The following FSTL4 variants were observed in gnomAD, a reference collection of about 807,000 sequenced individuals.
The protein encoded by FSTL4 is follistatin-related protein 4.
FSTL4 carries 28 observed loss-of-function variants against 78.2 expected under a neutral mutation model. The observed-to-expected ratio is 0.36, with a 90% CI of 0.27 to 0.49. The LOEUF is 0.49. Among genes scored for constraint, FSTL4 ranks in the 20% least tolerant of loss-of-function variants. The pLI, the probability that FSTL4 is intolerant of heterozygous loss-of-function variation, is 0.98. For missense variants in FSTL4, 922 were observed against 1,084.9 expected (o/e 0.85, Z 2.11); for synonymous variants, 422 against 440.5 (o/e 0.96, Z 0.53).
chr5:133,217,652 C>A (rs1750958151), intron 12 of FSTL4, among the ~76,000 whole-genome samples: 1 of 152,186 alleles, frequency 6.6e-6, no homozygotes, highest in African/African-American at 2.4e-5. Flanking sequence ...TCCCTCTCCT[C>A]ATCTTCATTT....
At chr5:133,817,589 A>G in the FSTL4 span, among the ~76,000 whole-genome samples, 1 of 152,216 alleles carries the variant, frequency 6.6e-6, no homozygotes, top group Non-Finnish European at 1.5e-5. Flanking sequence ...AGGAAGGGCC[A>G]CAGCTGCCCC....
chr5:133,651,643 A>AT, the FSTL4 span, among the ~76,000 whole-genome samples: 16,004 of 149,000 alleles, frequency 0.11, 898 homozygotes, highest in South Asian at 0.18. Flanking sequence ...TGATTTGCTT[A>AT]TTTTTTTTTT....
At chr5:133,347,864 C>T (rs1754730278) in intron 4 of FSTL4, among the ~76,000 whole-genome samples, 1 of 152,182 alleles carries the variant, frequency 6.6e-6, no homozygotes, top group Admixed American at 6.5e-5. Context: ...CTAGTTTCCA[C>T]TTTAGAGATG....
the FSTL4 span, among the ~76,000 whole-genome samples, chr5:133,711,001 C>T: frequency 6.6e-6 from 1 of 152,190 alleles, no homozygotes; most frequent in African/African-American, 2.4e-5. Flanking sequence ...TAGTTGCACT[C>T]TGCGCTCACA....
chr5:133,716,856 A>G, the FSTL4 span, among the ~76,000 whole-genome samples: 13 of 152,396 alleles, frequency 8.5e-5, no homozygotes, highest in East Asian at 2.1e-3. Flanking sequence ...TAGAAAAGGG[A>G]AACTTTAGAC....
At chr5:133,410,977 G>A (rs1756466916) in intron 3 of FSTL4, among the ~76,000 whole-genome samples, 2 of 152,176 alleles carry the variant, frequency 1.3e-5, no homozygotes, top group Non-Finnish European at 2.9e-5. Context: ...CTGACAGGTG[G>A]GCCTGAGGGT....
At chr5:133,509,619 G>A (rs910114017) in intron 3 of FSTL4, among the ~76,000 whole-genome samples, 8 of 152,232 alleles carry the variant, frequency 5.3e-5, no homozygotes, top group African/African-American at 1.9e-4. Context: ...GGCTGTTGGA[G>A]CTTTCACTTG....
chr5:133,500,183 A>G (rs1456351820), intron 3 of FSTL4, among the ~76,000 whole-genome samples: 1 of 152,112 alleles, frequency 6.6e-6, no homozygotes, highest in Non-Finnish European at 1.5e-5. Context: ...TCTTCCCTGA[A>G]GTCTTTACAC....
chr5:133,564,591 A>T lies in FSTL4; in HGVS notation c.160+2595T>A, dbSNP rs549007614. Among the ~76,000 whole-genome samples the T allele has an allele frequency of 2.0e-5, 3 of 152,274 alleles. No individual in the cohort carries two copies. The South Asian group carries it at 6.2e-4, about 32-fold the overall frequency. ...AGGCAGGAGGGTCTCTGATCTCAGG[A>T]AATTAACCTGATAGGAGCCCTTCCC... is the stretch of plus-strand genomic sequence containing the variant. On this transcript the variant is annotated intron_variant, in intron 3 of 15. Coordinates refer to ENST00000265342, the MANE Select transcript of FSTL4 (RefSeq NM_015082.2).
the FSTL4 span, among the ~76,000 whole-genome samples, chr5:133,695,852 C>T: frequency 2.0e-5 from 3 of 152,180 alleles, no homozygotes; most frequent in African/African-American, 7.2e-5. Context: ...TGAGTGACCT[C>T]CATGGAGGCC....
intron 6 of FSTL4, among the ~76,000 whole-genome samples, chr5:133,284,896 C>T (rs72803120): frequency 2.1e-4 from 32 of 152,286 alleles, no homozygotes; most frequent in Non-Finnish European, 3.5e-4. Context: ...CGGGAAGAGA[C>T]AGGCTGAGTA....
At chr5:133,686,484 C>A in the FSTL4 span, among the ~76,000 whole-genome samples, 2 of 152,224 alleles carry the variant, frequency 1.3e-5, no homozygotes, top group African/African-American at 2.4e-5. Context: ...TTGGATAGTT[C>A]ATTTTATTCA....
chr5:133,831,484 C>T, the FSTL4 span, among the ~76,000 whole-genome samples: 2 of 152,168 alleles, frequency 1.3e-5, no homozygotes, highest in Non-Finnish European at 2.9e-5. Context: ...ATACTTCTGG[C>T]TAATGGCGTT....
chr5:133,826,785 A>G, the FSTL4 span, among the ~76,000 whole-genome samples: 3 of 152,338 alleles, frequency 2.0e-5, no homozygotes, highest in East Asian at 3.9e-4. Flanking sequence ...AACCTAGTCT[A>G]TACCCCAACC....
At chr5:133,828,180 C>T in the FSTL4 span, among the ~76,000 whole-genome samples, 5 of 152,130 alleles carry the variant, frequency 3.3e-5, no homozygotes, top group African/African-American at 1.2e-4. Flanking sequence ...AGGAAGGCTT[C>T]GTGTGAGCTG....
chr5:133,739,267 G>T, the FSTL4 span, among the ~76,000 whole-genome samples: 1 of 150,158 alleles, frequency 6.7e-6, no homozygotes, highest in Admixed American at 6.7e-5. Flanking sequence ...AAACCAATGA[G>T]GGCTTTGATT....
chr5:133,611,760 G>C lies in FSTL4; in HGVS notation c.-11+565C>G, dbSNP rs1761098409. 6.6e-6 allele frequency among the ~76,000 whole-genome samples: 1 copy of C among 152,190 alleles called. No individual in the cohort carries two copies. On this transcript the variant is annotated intron_variant, in intron 1 of 15. Transcript: ENST00000265342. The surrounding 1 kb of genome is among the most constrained non-coding windows in gnomAD (Gnocchi z 4.9). ...CGGACCCCGGGGAAGCCAGGGCCAG[G>C]CGAAGCGCAGCGGGCCCTTTGGGCT...
At chr5:133,737,843 T>C in the FSTL4 span, among the ~76,000 whole-genome samples, 1 of 152,268 alleles carries the variant, frequency 6.6e-6, no homozygotes, top group Non-Finnish European at 1.5e-5. Flanking sequence ...GACCTCGTGA[T>C]CCACCTGCCT....
chr5:133,462,512 AG>A (rs1229154286), intron 3 of FSTL4, among the ~76,000 whole-genome samples: 4 of 152,238 alleles, frequency 2.6e-5, no homozygotes, highest in East Asian at 1.9e-4. Flanking sequence ...TGGAGGATGC[AG>A]GGGTTGACTC....
Sources: allele counts gnomAD v4.1 joint callset (sites outside exome capture counted in the v4.1 genomes callset), GRCh38; gene constraint gnomAD v4.1.1; non-coding constraint Gnocchi (gnomAD v3.1); transcripts MANE v1.5; gene names NCBI Gene and HGNC (gene_info 2026-07-23, HGNC 2026-07-21).